FGFR2: variants seen among roughly 807,000 people sequenced by gnomAD.
The protein encoded by FGFR2 is fibroblast growth factor receptor 2.
Under a neutral mutation model 95.9 loss-of-function variants are expected in FGFR2, and 19 were observed. The observed-to-expected ratio is 0.20, with a 90% CI of 0.14 to 0.29. The LOEUF is 0.29. Ranked by LOEUF, FGFR2 falls within the 10% of genes least tolerant of loss-of-function variation. FGFR2 has a pLI of 1.00. For missense variants in FGFR2, 707 were observed against 1,056.9 expected, an observed-to-expected ratio of 0.67 and a Z score of 4.59; for synonymous variants, 392 against 393.3, an observed-to-expected ratio of 1.00 and a Z score of 0.04.
intron 6 of FGFR2, 124 bp downstream of exon 6, chr10:121,538,468 G>T: frequency 1.5e-6 from 2 of 1,350,202 alleles, no homozygotes; most frequent in Non-Finnish European, 2.1e-6. Context: ...ATAGTAGAAA[G>T]AATAAGAATG....
At chr10:121,482,101 T>A (rs534483929) in intron 17 of FGFR2, 2 of 1,417,720 alleles carry the variant, frequency 1.4e-6, no homozygotes, top group Middle Eastern at 1.8e-4. Context: ...CCTCCCAAAG[T>A]GCTGGGATTA....
Position 121,478,808 on chromosome 10 carries a change from A to T in FGFR2, c.*1049T>A, listed in dbSNP as rs1844324547. On this transcript the variant is annotated 3_prime_UTR_variant, in exon 18 of 18. Coordinates refer to ENST00000358487, the MANE Select transcript of FGFR2 (RefSeq NM_000141.5). ...GATTAATGTGCAACTCAGAAGCAGAAGGCCAGCTGCCAGAGAGAAGCACAT... is the reference window on the plus strand; with the variant it reads ...GATTAATGTGCAACTCAGAAGCAGATGGCCAGCTGCCAGAGAGAAGCACAT... 1 of 233,552 alleles carries T rather than the reference A, an allele frequency of 4.3e-6. No homozygotes were observed. The highest frequency in any genetic ancestry group is 2.2e-5 in the African/African-American group (1 of 45,354). The allele number at this position is 233,552 out of a possible 1,614,324, so 14.5% of individuals were successfully genotyped here.
chr10:121,559,245 A>G (rs562096780), intron 4 of FGFR2, among the ~76,000 whole-genome samples: 2 of 152,340 alleles, frequency 1.3e-5, no homozygotes, highest in South Asian at 2.1e-4. Context: ...TCAGACAATC[A>G]GAAGGCACCA....
chr10:121,583,244 T>C (rs575494363), intron 2 of FGFR2: 3 of 152,372 alleles, frequency 2.0e-5, no homozygotes, highest in Admixed American at 2.0e-4. Context: ...GGGGTCTGTC[T>C]ATGCAGGTAG....
rs2133935551 is a variant in FGFR2, at chr10:121,496,581, G to A, written c.1814C>T (p.Ser605Leu). The change falls in exon 13 of 18, where the codon TCA (serine) becomes TTA (leucine). Residue 605 changes from serine (S) to leucine (L), a missense_variant. Coordinates refer to ENST00000358487, the MANE Select transcript of FGFR2 (RefSeq NM_000141.5). ...GCCTCTGGCCAGCTGGTAGGTGCAT[G>A]ACACCAAGTCCTTGAAGGTCATCTG... ...EEQMTFKDLV[S>L]CTYQLARGME... 6.2e-7 allele frequency: 1 copy of A among 1,613,896 alleles called. No individual in the cohort carries two copies. Among genetic ancestry groups the A allele is most frequent in the Non-Finnish European group, 8.5e-7 (1 of 1,180,022 alleles).
intron 9 of FGFR2, among the ~76,000 whole-genome samples, chr10:121,509,486 T>C (rs1249823410): frequency 4.2e-5 from 4 of 95,186 alleles, no homozygotes; most frequent in South Asian, 3.6e-4. Flanking sequence ...TCTTTTCTTT[T>C]TTTTTTTTTT....
rs374993905 is a variant in FGFR2, at chr10:121,479,994, C to A, written c.2329G>T (p.Glu777Ter). The A allele has an allele frequency of 6.2e-7, 1 of 1,614,074 alleles. No homozygotes were observed. The highest frequency in any genetic ancestry group is 8.5e-7 in the Non-Finnish European group (1 of 1,180,024). Reference sequence around the variant, plus strand: ...TCAGGGTAACTAGGTGAATACTGTTCGAGAGGTTGGCTGAGGTCCAAGTAT... The same window carrying A: ...TCAGGGTAACTAGGTGAATACTGTTAGAGAGGTTGGCTGAGGTCCAAGTAT... ...EEYLDLSQPL[E>*]QYSPSYPDTR... The change falls in exon 18 of 18, where the codon GAA (glutamate) becomes TAA (stop). Residue 777 changes from glutamate (E) to a stop codon, truncating the protein, a stop_gained. Coordinates refer to ENST00000358487, the MANE Select transcript of FGFR2 (RefSeq NM_000141.5). LOFTEE classifies it high-confidence loss of function.
chr10:121,585,621 A>T (rs1467250928), intron 2 of FGFR2, among the ~76,000 whole-genome samples: 1 of 152,050 alleles, frequency 6.6e-6, no homozygotes, highest in Non-Finnish European at 1.5e-5. Flanking sequence ...ATTCAAACCT[A>T]CCTCCCAAGG....
Position 121,496,625 on chromosome 10 carries a change from A to G in FGFR2, c.1770T>C (p.Ile590=), listed in dbSNP as rs1014617946. ...TCATCTGCTCCTCAGGAACACGGTTAATGTCATAGGAGTACTCCATCCCGG... is the reference window on the plus strand; with the variant it reads ...TCATCTGCTCCTCAGGAACACGGTTGATGTCATAGGAGTACTCCATCCCGG... ...RPPGMEYSYD[I]NRVPEEQMTF... Residue 590 remains isoleucine, a synonymous_variant, in exon 13 of 18, where the codon ATT becomes ATC. Coordinates refer to ENST00000358487, the MANE Select transcript of FGFR2 (RefSeq NM_000141.5). The G allele has an allele frequency of 2.5e-6, 4 of 1,612,690 alleles. No individual in the cohort carries two copies. Among genetic ancestry groups the G allele is most frequent in the Non-Finnish European group, 3.4e-6 (4 of 1,179,876 alleles).
intron 8 of FGFR2, among the ~76,000 whole-genome samples, chr10:121,516,393 G>A (rs1382616859): frequency 4.6e-5 from 7 of 152,146 alleles, no homozygotes; most frequent in African/African-American, 9.7e-5. Context: ...ATTTTAATCA[G>A]AAAAATACTT....
At chr10:121,527,167 C>A (rs1248227706) in intron 6 of FGFR2, among the ~76,000 whole-genome samples, 2 of 152,204 alleles carry the variant, frequency 1.3e-5, no homozygotes, top group East Asian at 3.8e-4. Context: ...AGTACCTTCC[C>A]TAATTAATGT....
chr10:121,509,380 G>A (rs1204331319), intron 9 of FGFR2, among the ~76,000 whole-genome samples: 1 of 144,052 alleles, frequency 6.9e-6, no homozygotes, highest in Non-Finnish European at 1.5e-5. Flanking sequence ...TGTGCTTTTC[G>A]TACATTTCCA....
chr10:121,553,965 G>A (rs1043387948), intron 4 of FGFR2, among the ~76,000 whole-genome samples: 6 of 152,226 alleles, frequency 3.9e-5, no homozygotes, highest in African/African-American at 1.2e-4. Flanking sequence ...TGGGCAACCC[G>A]CACCTTTGTC....
At chr10:121,532,776 A>C (rs1469920871) in intron 6 of FGFR2, among the ~76,000 whole-genome samples, 1 of 152,226 alleles carries the variant, frequency 6.6e-6, no homozygotes, top group Non-Finnish European at 1.5e-5. Context: ...ATTCGAGCTT[A>C]TCAGTCAGTG....
At chr10:121,535,676 G>A (rs1189218858) in intron 6 of FGFR2, among the ~76,000 whole-genome samples, 3 of 152,302 alleles carry the variant, frequency 2.0e-5, no homozygotes, top group South Asian at 4.1e-4. Context: ...TTACCAAAAC[G>A]TGGAGCATCA....
chr10:121,549,576 C>T (rs1855066328), intron 5 of FGFR2, among the ~76,000 whole-genome samples: 1 of 152,212 alleles, frequency 6.6e-6, no homozygotes, highest in South Asian at 2.1e-4. Context: ...AAAGTGGTGG[C>T]TGTCCCTTCC....
intron 1 of FGFR2, chr10:121,594,241 G>C (rs1863116309): frequency 2.6e-6 from 1 of 385,468 alleles, no homozygotes; most frequent in Admixed American, 4.2e-5. Context: ...AGCCACTTCA[G>C]TGAGGCAATG....
chr10:121,531,366 G>C lies in FGFR2; in HGVS notation c.748+7226C>G, dbSNP rs951347468. The C allele has an allele frequency of 6.6e-6, 1 of 152,124 alleles. No homozygotes were observed. Among genetic ancestry groups the C allele is most frequent in the African/African-American group, 2.4e-5 (1 of 41,424 alleles). 9.4% of individuals were successfully genotyped at this position (152,124 alleles called of 1,614,324 possible). On this transcript the variant is annotated intron_variant, in intron 6 of 17. Transcript: ENST00000358487. The surrounding 1 kb of genome is among the most constrained non-coding windows in gnomAD (Gnocchi z 4.5). The stretch of plus-strand genomic sequence containing the variant: ...ATCTAGCTGCCACTAACCAGCCTTT[G>C]CCCCCCGGGATCCCTGTTGTGAAAC...
intron 4 of FGFR2, among the ~76,000 whole-genome samples, chr10:121,552,711 AACCTCTACTGTACAGC>A (rs1855574017): frequency 6.6e-6 from 1 of 152,240 alleles, no homozygotes; most frequent in Admixed American, 6.5e-5. Flanking sequence ...TCCTGTCCAG[AACCTCTACTGTACAGC>A]AATTTAACTA....
Sources: gnomAD v4.1 joint callset for allele counts (sites outside exome capture counted in the v4.1 genomes callset) on GRCh38, gnomAD v4.1.1 for gene constraint, Gnocchi (gnomAD v3.1) non-coding constraint, MANE v1.5 for transcripts, NCBI Gene and HGNC (gene_info 2026-07-23, HGNC 2026-07-21) for gene names.